ASIC2: variants seen among roughly 807,000 people sequenced by gnomAD.
ASIC2 encodes acid sensing ion channel subunit 2, also known as acid-sensing ion channel 2.
In ASIC2, 25 loss-of-function variants were observed where a neutral mutation model predicts 57.3. That is an observed-to-expected ratio of 0.44 (90% confidence interval 0.32 to 0.61). ASIC2 has a LOEUF of 0.61. Among genes scored for constraint, ASIC2 ranks in the 20% least tolerant of loss-of-function variants. The probability of loss-of-function intolerance (pLI) is 0.06; values close to 1 mark genes in which losing one functional copy is unlikely to be tolerated. For missense variants in ASIC2, 641 were observed against 738.1 expected, an observed-to-expected ratio of 0.87 and a Z score of 1.52; for synonymous variants, 319 against 307.5, an observed-to-expected ratio of 1.04 and a Z score of -0.39.
intron 1 of ASIC2, among the ~76,000 whole-genome samples, chr17:33,249,385 C>G (rs1240410848): frequency 6.6e-6 from 1 of 152,080 alleles, no homozygotes; most frequent in African/African-American, 2.4e-5. Context: ...AATAGTGGAG[C>G]ATAGGCATGG....
chr17:33,912,674 A>G (rs1226603245), intron 1 of ASIC2, among the ~76,000 whole-genome samples: 1 of 152,022 alleles, frequency 6.6e-6, no homozygotes, highest in Non-Finnish European at 1.5e-5. Flanking sequence ...GACTGTCAAT[A>G]GCATTTTAAA....
intron 1 of ASIC2, among the ~76,000 whole-genome samples, chr17:33,786,270 C>A (rs1469359912): frequency 1.3e-5 from 2 of 152,148 alleles, no homozygotes; most frequent in Admixed American, 6.5e-5. Context: ...AGGGACCCAG[C>A]ACACTAGGTG....
At chr17:34,002,973 T>C (rs1418990685) in intron 1 of ASIC2, 1 of 152,208 alleles carries the variant, frequency 6.6e-6, no homozygotes, top group Non-Finnish European at 1.5e-5. Context: ...TTTTGAATAA[T>C]AGCAGAATAA....
chr17:33,357,983 G>A, intron 1 of ASIC2, among the ~76,000 whole-genome samples: 1 of 152,098 alleles, frequency 6.6e-6, no homozygotes, highest in South Asian at 2.1e-4. Flanking sequence ...GCAGAATCTG[G>A]CAAAGCTGTA....
rs547802980 is a variant in ASIC2, at chr17:33,333,970, A to C, written c.556-221903T>G. ...AAGATGCCTCTTCAGTGGTGTTGGCACAACAAACTCTTTCTTCAGCCTGGG... is the reference window on the plus strand; with the variant it reads ...AAGATGCCTCTTCAGTGGTGTTGGCCCAACAAACTCTTTCTTCAGCCTGGG... On this transcript the variant is annotated intron_variant, in intron 1 of 9. Transcript: ENST00000359872. Among the ~76,000 whole-genome samples, 52 of 152,358 alleles carry C rather than the reference A, an allele frequency of 3.4e-4. 1 individual carries two copies. The highest frequency in any genetic ancestry group is 1.1e-3 in the African/African-American group (45 of 41,580).
At chr17:33,769,429 C>T (rs376181227) in intron 1 of ASIC2, among the ~76,000 whole-genome samples, 125 of 152,248 alleles carry the variant, frequency 8.2e-4, no homozygotes, top group African/African-American at 2.6e-3. Context: ...GCCAAGTAGA[C>T]GGAGTGCCCC....
chr17:33,396,313 G>T (rs913033642), intron 1 of ASIC2, among the ~76,000 whole-genome samples: 2 of 152,110 alleles, frequency 1.3e-5, no homozygotes, highest in African/African-American at 4.8e-5. Context: ...TAACAATTAC[G>T]GTTCTGAAAC....
chr17:33,540,788 G>C (rs762333184), intron 1 of ASIC2, among the ~76,000 whole-genome samples: 1 of 152,124 alleles, frequency 6.6e-6, no homozygotes, highest in Admixed American at 6.5e-5. Context: ...CAGCACACAG[G>C]ACACGCTTAA....
chr17:33,914,485 T>C (rs997163587), intron 1 of ASIC2, among the ~76,000 whole-genome samples: 1 of 152,072 alleles, frequency 6.6e-6, no homozygotes, highest in Non-Finnish European at 1.5e-5. Flanking sequence ...TCTGCAGAGT[T>C]TGGGAATCAG....
chr17:34,097,104 G>C (rs116833561), intron 1 of ASIC2, among the ~76,000 whole-genome samples: 165 of 152,208 alleles, frequency 1.1e-3, no homozygotes, highest in African/African-American at 3.9e-3. Context: ...CAGCATGGAA[G>C]AAAATGTGAT....
In ASIC2 at chr17:33,866,988, T is replaced by C. The variant is rs570637049; in HGVS notation, c.555+288990A>G. On this transcript the variant is annotated intron_variant, in intron 1 of 9. Coordinates refer to the ASIC2 transcript ENST00000359872. ...AGTCATGCAGGAAAAAAAGAATATGTAATGTGAATGCAGATGTTCAGACAC... is the reference window on the plus strand; with the variant it reads ...AGTCATGCAGGAAAAAAAGAATATGCAATGTGAATGCAGATGTTCAGACAC... Among the ~76,000 whole-genome samples, 21 of 152,302 alleles carry C rather than the reference T, an allele frequency of 1.4e-4. No homozygotes were observed. In the East Asian group the frequency reaches 3.5e-3, roughly 25 times the overall value.
At chr17:34,044,912 G>A (rs140263077) in intron 1 of ASIC2, among the ~76,000 whole-genome samples, 84 of 152,276 alleles carry the variant, frequency 5.5e-4, no homozygotes, top group African/African-American at 2.0e-3. Context: ...TTTATTCAGC[G>A]TCTTCTCTGA....
intron 1 of ASIC2, among the ~76,000 whole-genome samples, chr17:33,925,043 C>T (rs1261952002): frequency 1.3e-5 from 2 of 152,330 alleles, no homozygotes; most frequent in African/African-American, 4.8e-5. Context: ...GGCCAGTGTA[C>T]CCAGGGCTGG....
At chr17:33,018,847 G>A (rs1314905670) in intron 7 of ASIC2, among the ~76,000 whole-genome samples, 1 of 152,042 alleles carries the variant, frequency 6.6e-6, no homozygotes, top group Non-Finnish European at 1.5e-5. Context: ...ACAGTTGGGG[G>A]TGGCAGGACA....
intron 1 of ASIC2, among the ~76,000 whole-genome samples, chr17:33,621,974 C>G (rs188842568): frequency 6.6e-6 from 1 of 152,060 alleles, no homozygotes; most frequent in East Asian, 1.9e-4. Flanking sequence ...GCACCTAGAA[C>G]AGAACCTGAA....
At chr17:33,452,477 G>T (rs1268777970) in intron 1 of ASIC2, among the ~76,000 whole-genome samples, 1 of 152,196 alleles carries the variant, frequency 6.6e-6, no homozygotes, top group Non-Finnish European at 1.5e-5. Flanking sequence ...AATGGAAAAG[G>T]GAAGCTTATT....
intron 1 of ASIC2, among the ~76,000 whole-genome samples, chr17:33,117,908 A>T (rs1010829361): frequency 2.6e-5 from 4 of 152,212 alleles, no homozygotes; most frequent in Non-Finnish European, 4.4e-5. Flanking sequence ...CTCTCTGCTT[A>T]TGTCCACACA....
In ASIC2 at chr17:33,311,360, C is replaced by A. The variant is rs185566637; in HGVS notation, c.556-199293G>T. Reference sequence around the variant, plus strand: ...GCTCTTTCTACTAGATGATGTACCACCCCATGTACATTCTGGTTGCTCCTA... The same window carrying A: ...GCTCTTTCTACTAGATGATGTACCAACCCATGTACATTCTGGTTGCTCCTA... On this transcript the variant is annotated intron_variant, in intron 1 of 9. Coordinates refer to the ASIC2 transcript ENST00000359872. Among the ~76,000 whole-genome samples, 387 of 152,130 alleles carry A rather than the reference C, an allele frequency of 2.5e-3. 1 individual carries two copies. Among genetic ancestry groups the A allele is most frequent in the African/African-American group, 8.4e-3 (348 of 41,492 alleles).
At chr17:33,980,155 A>C (rs574488416) in intron 1 of ASIC2, among the ~76,000 whole-genome samples, 1 of 152,270 alleles carries the variant, frequency 6.6e-6, no homozygotes, top group South Asian at 2.1e-4. Flanking sequence ...ACACTGGGAC[A>C]AGCATAAGCG....
Sources: gnomAD v4.1 joint callset for allele counts (sites outside exome capture counted in the v4.1 genomes callset) on GRCh38, gnomAD v4.1.1 for gene constraint, MANE v1.5 for transcripts, NCBI Gene and HGNC (gene_info 2026-07-23, HGNC 2026-07-21) for gene names.